MMP24: variants seen among roughly 807,000 people sequenced by gnomAD.
MMP24 encodes the protein matrix metallopeptidase 24, also known as matrix metalloproteinase-24.
MMP24 carries 25 observed loss-of-function variants against 62.8 expected under a neutral mutation model. That is an observed-to-expected ratio of 0.40 (90% CI 0.29 to 0.56). The LOEUF (loss-of-function observed/expected upper bound fraction) is 0.56. Among genes scored for constraint, MMP24 ranks in the 20% least tolerant of loss-of-function variants. The probability of loss-of-function intolerance (pLI) is 0.50; values close to 1 mark genes in which losing one functional copy is unlikely to be tolerated. For missense variants in MMP24, 634 were observed against 853.6 expected (o/e 0.74, Z 3.21); for synonymous variants, 319 against 350.5 (o/e 0.91, Z 1.00).
Position 35,276,312 on chromosome 20 carries a change from C to CAA in MMP24, c.*1704_*1705dup. ...CAGGCTCCCTGGGACAGGCAGGGAA[C>CAA]AACTGCGGAGATATTAGTGATTCAT... On this transcript the variant is annotated 3_prime_UTR_variant, in exon 9 of 9. Transcript: ENST00000246186. The CAA allele has an allele frequency of 2.5e-6, 1 of 399,138 alleles. No homozygotes were observed. Among genetic ancestry groups the CAA allele is most frequent in the Non-Finnish European group, 4.4e-6 (1 of 226,088 alleles). The allele number at this position is 399,138 out of a possible 1,614,324, so 24.7% of individuals were successfully genotyped here. A position where few individuals can be genotyped will look rare whatever the true frequency, so the allele number is the denominator to read the frequency against.
Position 35,274,655 on chromosome 20 carries a change from C to A in MMP24, c.*46C>A. ...TCCACTTGGTCTGGCCAGCCAGGCCCTTCCTCACCAGGGTCTGAGGGGCAG... is the reference window on the plus strand; with the variant it reads ...TCCACTTGGTCTGGCCAGCCAGGCCATTCCTCACCAGGGTCTGAGGGGCAG... On this transcript the variant is annotated 3_prime_UTR_variant, in exon 9 of 9. Coordinates refer to ENST00000246186, the MANE Select transcript of MMP24 (RefSeq NM_006690.4). The surrounding 1 kb of genome is among the most constrained non-coding windows in gnomAD (Gnocchi z 5.1). 2 of 1,477,008 alleles carry A rather than the reference C, an allele frequency of 1.4e-6. No homozygotes were observed. Among genetic ancestry groups the A allele is most frequent in the Non-Finnish European group, 1.8e-6 (2 of 1,091,968 alleles). 91.5% of individuals were successfully genotyped at this position (1,477,008 alleles called of 1,614,324 possible).
At chr20:35,247,461 T>A (rs1464672464) in intron 2 of MMP24, among the ~76,000 whole-genome samples, 2 of 152,146 alleles carry the variant, frequency 1.3e-5, no homozygotes, top group African/African-American at 4.8e-5. Flanking sequence ...CACCATTTAG[T>A]GACAAATACA....
intron 1 of MMP24, among the ~76,000 whole-genome samples, chr20:35,236,752 C>T (rs997674664): frequency 6.6e-6 from 1 of 151,952 alleles, no homozygotes; most frequent in Admixed American, 6.6e-5. Context: ...GGTGAGTGGA[C>T]CACCTAAGAT....
At chr20:35,240,346 C>T (rs1359413444) in intron 1 of MMP24, among the ~76,000 whole-genome samples, 1 of 152,030 alleles carries the variant, frequency 6.6e-6, no homozygotes, top group African/African-American at 2.4e-5. Context: ...GTCTTTGGCT[C>T]AGCCCAGCTA....
At chr20:35,253,962 G>A (rs578219181) in intron 3 of MMP24, among the ~76,000 whole-genome samples, 49 of 148,120 alleles carry the variant, frequency 3.3e-4, no homozygotes, top group Admixed American at 1.7e-3. Flanking sequence ...CTCTGCCTCC[G>A]GGTTCAAGCA....
chr20:35,243,444 C>G (rs149674432), intron 1 of MMP24, among the ~76,000 whole-genome samples: 4 of 152,264 alleles, frequency 2.6e-5, no homozygotes, highest in African/African-American at 9.6e-5. Flanking sequence ...GTTCCTTATT[C>G]ATCTTTATTT....
intron 1 of MMP24, among the ~76,000 whole-genome samples, chr20:35,229,866 C>G (rs1179235070): frequency 1.3e-5 from 2 of 152,190 alleles, no homozygotes; most frequent in Non-Finnish European, 2.9e-5. Context: ...TCAGCTCAAG[C>G]CCTGCTTCTC....
At chr20:35,259,060 A>G (rs1256385619) in intron 4 of MMP24, among the ~76,000 whole-genome samples, 1 of 152,202 alleles carries the variant, frequency 6.6e-6, no homozygotes, top group Non-Finnish European at 1.5e-5. Flanking sequence ...ACATGCCTGT[A>G]ATCCCAGCTA....
intron 5 of MMP24, among the ~76,000 whole-genome samples, chr20:35,264,935 G>A (rs575739771): frequency 2.1e-4 from 32 of 152,214 alleles, no homozygotes; most frequent in Admixed American, 1.4e-3. Context: ...CACAGGCTAC[G>A]GAGCACAGAA....
At position 35,276,821 on chromosome 20, in the gene MMP24, CTGTT is replaced by C. The variant is rs1193081952; in HGVS notation, c.*2216_*2219del. ...CTCAGATTCTCCTGCCTGTGGTCATCTGTTTGTCCATCACCCCAGGACAGGGCAG... is the reference window on the plus strand; with the variant it reads ...CTCAGATTCTCCTGCCTGTGGTCATCTGTCCATCACCCCAGGACAGGGCAG... On this transcript the variant is annotated 3_prime_UTR_variant, in exon 9 of 9. Coordinates refer to ENST00000246186, the MANE Select transcript of MMP24 (RefSeq NM_006690.4). 6.5e-6 allele frequency: 1 copy of C among 153,040 alleles called. No homozygotes were observed. Among genetic ancestry groups the C allele is most frequent in the Admixed American group, 6.5e-5 (1 of 15,294 alleles). The allele number at this position is 153,040 out of a possible 1,614,324, so 9.5% of individuals were successfully genotyped here.
intron 4 of MMP24, among the ~76,000 whole-genome samples, chr20:35,259,660 G>A (rs745881433): frequency 1.3e-5 from 2 of 152,192 alleles, no homozygotes; most frequent in Admixed American, 1.3e-4. Flanking sequence ...ATCACCTTTC[G>A]TGGGGCTGGG....
chr20:35,240,114 G>A (rs1181954786), intron 1 of MMP24, among the ~76,000 whole-genome samples: 1 of 152,188 alleles, frequency 6.6e-6, no homozygotes, highest in Non-Finnish European at 1.5e-5. Flanking sequence ...CACTGCCAGA[G>A]CTCTGCCTCT....
intron 1 of MMP24, among the ~76,000 whole-genome samples, chr20:35,227,319 A>G (rs1006966941): frequency 6.6e-6 from 1 of 151,588 alleles, no homozygotes; most frequent in Non-Finnish European, 1.5e-5. Context: ...CTCGGAGTAA[A>G]TAGTAAGCGC....
intron 1 of MMP24, among the ~76,000 whole-genome samples, chr20:35,234,436 T>C (rs965271454): frequency 6.6e-6 from 1 of 152,252 alleles, no homozygotes; most frequent in Non-Finnish European, 1.5e-5. Flanking sequence ...TGTAAACCAT[T>C]ATTTATAATG....
At position 35,240,992 on chromosome 20, in the gene MMP24, A is replaced by T. The variant is rs534943267; in HGVS notation, c.247-5848A>T. 2.6e-5 allele frequency among the ~76,000 whole-genome samples: 4 copies of T among 152,328 alleles called. No individual in the cohort carries two copies. The South Asian group carries it at 8.3e-4, about 32-fold the overall frequency. ...AAAGAGGGCACCCACTAGCTCTGAC[A>T]GGGAGAGCTAAGGAAGATTTAACAA... On this transcript the variant is annotated intron_variant, in intron 1 of 8. Transcript: ENST00000246186.
At chr20:35,267,158 G>T in intron 5 of MMP24, 47 bp from the exon 6 acceptor site, 1 of 1,462,320 alleles carries the variant, frequency 6.8e-7, no homozygotes, top group Non-Finnish European at 9.3e-7. Flanking sequence ...GGCAATGGGA[G>T]GCGGGAAACG....
rs975560303 is a variant in MMP24 at position 35,276,003 on chromosome 20, G to T, written c.*1394G>T. On this transcript the variant is annotated 3_prime_UTR_variant, in exon 9 of 9. Coordinates refer to ENST00000246186, the MANE Select transcript of MMP24 (RefSeq NM_006690.4). ...TGAGGAGCCCTAGACAAGGCCAATG[G>T]GTTCATCAATGCCCACTGGCTCTCT... is the stretch of plus-strand genomic sequence containing the variant. 2.5e-6 allele frequency: 1 copy of T among 398,652 alleles called. No individual in the cohort carries two copies. The highest frequency in any genetic ancestry group is 4.4e-6 in the Non-Finnish European group (1 of 226,108). The allele number at this position is 398,652 out of a possible 1,614,324, so 24.7% of individuals were successfully genotyped here.
chr20:35,254,393 G>T, intron 3 of MMP24, 57 bp from the exon 4 acceptor site: 1 of 1,475,890 alleles, frequency 6.8e-7, no homozygotes, highest in Non-Finnish European at 9.3e-7. Flanking sequence ...ATCTATTTTA[G>T]CTCTGCTAGT....
At chr20:35,256,307 A>C (rs2060574169) in intron 4 of MMP24, 1 of 152,226 alleles carries the variant, frequency 6.6e-6, no homozygotes, top group Non-Finnish European at 1.5e-5. Flanking sequence ...GAATGGTGAA[A>C]TAAGGCTTTG....
Sources: gnomAD v4.1 joint callset for allele counts (sites outside exome capture counted in the v4.1 genomes callset) on GRCh38, gnomAD v4.1.1 for gene constraint, Gnocchi (gnomAD v3.1) non-coding constraint, MANE v1.5 for transcripts, NCBI Gene and HGNC (gene_info 2026-07-23, HGNC 2026-07-21) for gene names.